The following SNX30 variants were observed in gnomAD, a reference collection of about 807,000 sequenced individuals.
The protein encoded by SNX30 is sorting nexin family member 30.
In SNX30, 24 loss-of-function variants were observed where a neutral mutation model predicts 46.4. The ratio of observed to expected loss-of-function variants is 0.52; its 90% CI spans 0.37 to 0.73. The LOEUF is 0.73. Among genes scored for constraint, SNX30 ranks in the 30% least tolerant of loss-of-function variants. The pLI, the probability that SNX30 is intolerant of heterozygous loss-of-function variation, is 0.00. For missense variants in SNX30, 533 were observed against 555.7 expected (o/e 0.96, Z 0.41); for synonymous variants, 189 against 211.5 (o/e 0.89, Z 0.92).
At chr9:112,776,691 C>T (rs1317782585) in intron 1 of SNX30, among the ~76,000 whole-genome samples, 1 of 152,236 alleles carries the variant, frequency 6.6e-6, no homozygotes, top group Non-Finnish European at 1.5e-5. Flanking sequence ...TGCAGTCAGC[C>T]TTTGCCCTGG....
At chr9:112,851,763 G>A (rs1489466306) in intron 7 of SNX30, among the ~76,000 whole-genome samples, 2 of 112,690 alleles carry the variant, frequency 1.8e-5, no homozygotes, top group African/African-American at 2.9e-5. Context: ...TTGGTGGGTA[G>A]GGGCTTAGGA....
At chr9:112,754,215 C>T (rs765668997) in intron 1 of SNX30, among the ~76,000 whole-genome samples, 5 of 152,094 alleles carry the variant, frequency 3.3e-5, no homozygotes, top group African/African-American at 1.2e-4. Context: ...GTCCAGCTGA[C>T]GCTTGTGAAT....
At chr9:112,881,305 G>T (rs1047886039) in intron 5 of SNX30, 3 of 152,246 alleles carry the variant, frequency 2.0e-5, no homozygotes, top group African/African-American at 7.2e-5. Flanking sequence ...TGTGCGCTTA[G>T]ATCCAAGCCT....
At chr9:112,814,100 G>A (rs1238479192) in intron 2 of SNX30, among the ~76,000 whole-genome samples, 4 of 152,244 alleles carry the variant, frequency 2.6e-5, no homozygotes, top group Middle Eastern at 3.4e-3. Context: ...CCCAAAAGTA[G>A]CATAAAGGGC....
At chr9:112,860,543 T>C (rs762425142) in intron 7 of SNX30, among the ~76,000 whole-genome samples, 1 of 152,200 alleles carries the variant, frequency 6.6e-6, no homozygotes, top group Non-Finnish European at 1.5e-5. Context: ...GGCAGCCAGT[T>C]GCCAAATCTG....
chr9:112,784,121 G>A (rs1208087797), intron 1 of SNX30, among the ~76,000 whole-genome samples: 1 of 151,890 alleles, frequency 6.6e-6, no homozygotes, highest in Non-Finnish European at 1.5e-5. Context: ...TTCCACCTAG[G>A]AAACATTCAT....
intron 1 of SNX30, among the ~76,000 whole-genome samples, chr9:112,786,275 G>T (rs184108340): frequency 3.9e-5 from 6 of 151,912 alleles, no homozygotes; most frequent in African/African-American, 1.5e-4. Flanking sequence ...GCACCATCAC[G>T]CTCTGCTAAT....
At chr9:112,795,061 A>G (rs1379439200) in intron 1 of SNX30, among the ~76,000 whole-genome samples, 2 of 152,170 alleles carry the variant, frequency 1.3e-5, no homozygotes. Context: ...TGAGGCCCCA[A>G]CTGTGGGTCT....
At chr9:112,783,476 C>A (rs1392998894) in intron 1 of SNX30, among the ~76,000 whole-genome samples, 1 of 152,176 alleles carries the variant, frequency 6.6e-6, no homozygotes, top group African/African-American at 2.4e-5. Flanking sequence ...CTTCCCTTCC[C>A]TTGATTTAGA....
rs187591750 is a variant in SNX30, at chr9:112,810,724, G to A, written c.348+5757G>A. ...GGATCTCGAGGGCACTTAGGTTGTG[G>A]AAGGGCTTGGAAAGGAAGCCTGAGA... On this transcript the variant is annotated intron_variant, in intron 2 of 8. Transcript: ENST00000374232. 8.5e-5 allele frequency among the ~76,000 whole-genome samples: 13 copies of A among 152,254 alleles called. No homozygotes were observed. In the East Asian group the frequency reaches 2.3e-3, roughly 27 times the overall value.
intron 1 of SNX30, among the ~76,000 whole-genome samples, chr9:112,795,799 A>ACG (rs1840099822): frequency 6.6e-6 from 1 of 151,798 alleles, no homozygotes; most frequent in Non-Finnish European, 1.5e-5. Context: ...ACACACACGC[A>ACG]CACATGATGA....
chr9:112,755,410 G>T (rs1320470201), intron 1 of SNX30, among the ~76,000 whole-genome samples: 1 of 152,060 alleles, frequency 6.6e-6, no homozygotes, highest in Non-Finnish European at 1.5e-5. Flanking sequence ...AAGGCTGGGG[G>T]CAGAGAAGGG....
In SNX30 at chr9:112,832,430, AAGAGAGAG is replaced by A. The variant is rs144673731; in HGVS notation, c.618+1570_618+1577del. On this transcript the variant is annotated intron_variant, in intron 4 of 8. Coordinates refer to ENST00000374232, the MANE Select transcript of SNX30 (RefSeq NM_001012994.2). Reference sequence around the variant, plus strand: ...GAATCTGTATGAAGAATAAGTAGGAAAGAGAGAGAGAGAGAGAGAGAGAGAGAGAGTGT... The same window carrying A: ...GAATCTGTATGAAGAATAAGTAGGAAAGAGAGAGAGAGAGAGAGAGAGTGT... Among the ~76,000 whole-genome samples, 236 of 79,716 alleles carry A rather than the reference AAGAGAGAG, an allele frequency of 3.0e-3. 1 individual carries two copies. Among genetic ancestry groups the A allele is most frequent in the African/African-American group, 9.7e-3 (176 of 18,196 alleles). The allele number at this position is 79,716 out of a possible 152,430, so 52.3% of individuals were successfully genotyped here.
At chr9:112,876,517 T>A (rs559714510), downstream of SNX30, among the ~76,000 whole-genome samples, 15 of 152,252 alleles carry the variant, frequency 9.9e-5, no homozygotes, top group Admixed American at 2.0e-4. Flanking sequence ...TTGGTTTCGC[T>A]TTAGGTTTGA....
chr9:112,847,063 C>T (rs745515906), intron 6 of SNX30, among the ~76,000 whole-genome samples: 23 of 152,184 alleles, frequency 1.5e-4, no homozygotes, highest in Admixed American at 5.9e-4. Flanking sequence ...AACATTTTGT[C>T]ATTGTAGATA....
intron 1 of SNX30, among the ~76,000 whole-genome samples, chr9:112,792,075 A>G (rs1840035430): frequency 1.3e-5 from 2 of 152,304 alleles, no homozygotes; most frequent in Admixed American, 1.3e-4. Flanking sequence ...GATAGTCATC[A>G]TGAAATGATT....
intron 6 of SNX30, among the ~76,000 whole-genome samples, chr9:112,842,109 A>G (rs945998511): frequency 6.6e-5 from 10 of 152,108 alleles, no homozygotes; most frequent in Admixed American, 4.6e-4. Flanking sequence ...ACGCCTGGCT[A>G]ATTTTTGTGT....
rs150867087 is a variant in SNX30 at position 112,759,119 on chromosome 9, A to G, written c.156+7962A>G. On this transcript the variant is annotated intron_variant, in intron 1 of 8. Coordinates refer to ENST00000374232, the MANE Select transcript of SNX30 (RefSeq NM_001012994.2). Reference sequence around the variant, plus strand: ...GGCCTCAAGTGATCTTCCTGCCTCAACTTCCCAAAATGCTTGGATTATAGG... The same window carrying G: ...GGCCTCAAGTGATCTTCCTGCCTCAGCTTCCCAAAATGCTTGGATTATAGG... Among the ~76,000 whole-genome samples, 507 of 152,062 alleles carry G rather than the reference A, an allele frequency of 3.3e-3. 8 individuals carry two copies. The highest frequency in any genetic ancestry group is 0.012 in the African/African-American group (483 of 41,478).
At chr9:112,812,661 AAT>A (rs1387417042) in intron 2 of SNX30, among the ~76,000 whole-genome samples, 1 of 152,248 alleles carries the variant, frequency 6.6e-6, no homozygotes, top group Non-Finnish European at 1.5e-5. Flanking sequence ...GCTTTTAAAA[AAT>A]GAGCATTGTG....
Sources: allele counts gnomAD v4.1 joint callset (sites outside exome capture counted in the v4.1 genomes callset), GRCh38; gene constraint gnomAD v4.1.1; transcripts MANE v1.5; gene names NCBI Gene and HGNC (gene_info 2026-07-23, HGNC 2026-07-21).